Variants in RPRD2 observed in about 807,000 individuals in gnomAD.
RPRD2 encodes the protein regulation of nuclear pre-mRNA domain containing 2, also known as regulation of nuclear pre-mRNA domain-containing protein 2.
A neutral mutation model predicts 104.4 loss-of-function variants in RPRD2; 12 were observed. The observed-to-expected ratio is 0.11, with a 90% CI of 0.07 to 0.19. RPRD2 has a LOEUF of 0.19. Among genes scored for constraint, RPRD2 ranks in the 10% least tolerant of loss-of-function variants. The pLI, the probability that RPRD2 is intolerant of heterozygous loss-of-function variation, is 1.00. For missense variants in RPRD2, 1,543 were observed against 1,790.1 expected (o/e 0.86, Z 2.49); for synonymous variants, 714 against 684.9 (o/e 1.04, Z -0.66).
chr1:150,433,968 A>G (rs1553892604), intron 2 of RPRD2, among the ~76,000 whole-genome samples: 1 of 152,000 alleles, frequency 6.6e-6, no homozygotes, highest in South Asian at 2.1e-4. Context: ...TTTTTAACCA[A>G]GAAGAAGCAC....
chr1:150,464,850 CTTTT>C, intron 10 of RPRD2, 123 bp downstream of exon 10: 1 of 479,584 alleles, frequency 2.1e-6, no homozygotes, highest in Non-Finnish European at 3.3e-6. Flanking sequence ...ATTCATTATT[CTTTT>C]TATTTATTTA....
At chr1:150,457,167 T>G in intron 7 of RPRD2, 121 bp from the exon 8 acceptor site, 1 of 897,236 alleles carries the variant, frequency 1.1e-6, no homozygotes, top group Non-Finnish European at 1.7e-6. Flanking sequence ...GAGGTTGCAG[T>G]GAACCAAGAT....
chr1:150,385,607 A>G (rs1302033922), intron 1 of RPRD2, among the ~76,000 whole-genome samples: 1 of 152,254 alleles, frequency 6.6e-6, no homozygotes, highest in Admixed American at 6.5e-5. Flanking sequence ...ACAAATCATT[A>G]GCTCCTACTG....
chr1:150,404,534 G>C (rs1553886103), intron 1 of RPRD2, among the ~76,000 whole-genome samples: 1 of 152,070 alleles, frequency 6.6e-6, no homozygotes, highest in African/African-American at 2.4e-5. Flanking sequence ...ACAGGTGTGA[G>C]CCACCACACC....
In RPRD2 at chr1:150,472,323, G is replaced by A. The variant is rs766996352; in HGVS notation, c.3375G>A (p.Arg1125=). Reference sequence around the variant, plus strand: ...GAGGACATGGGCGTGAGGCTTCAAGGGTGGGTTGGTTTGATCTGAGCACAT... The same window carrying A: ...GAGGACATGGGCGTGAGGCTTCAAGAGTGGGTTGGTTTGATCTGAGCACAT... ...GNRGHGREAS[R]VGWFDLSTSG... The change falls in exon 11 of 11, where the codon AGG becomes AGA. Residue 1125 remains arginine, a synonymous_variant. Coordinates refer to ENST00000369068, the MANE Select transcript of RPRD2 (RefSeq NM_015203.5). 1.2e-6 allele frequency: 2 copies of A among 1,613,972 alleles called. No individual in the cohort carries two copies. The highest frequency in any genetic ancestry group is 3.3e-5 in the Admixed American group (2 of 60,004).
intron 1 of RPRD2, among the ~76,000 whole-genome samples, chr1:150,367,786 G>A (rs587634516): frequency 9.1e-4 from 138 of 151,338 alleles, no homozygotes; most frequent in Non-Finnish European, 1.0e-3. Flanking sequence ...GCAGTGGCGC[G>A]ATCTCAGCTC....
At chr1:150,459,941 T>G in intron 8 of RPRD2, 119 bp from the exon 9 acceptor site, 1 of 840,906 alleles carries the variant, frequency 1.2e-6, no homozygotes, top group East Asian at 2.6e-5. Flanking sequence ...TGAGTCGTTG[T>G]TTTCTCTAAA....
intron 1 of RPRD2, among the ~76,000 whole-genome samples, chr1:150,398,748 G>T (rs1395253457): frequency 6.6e-6 from 1 of 150,552 alleles, no homozygotes; most frequent in Non-Finnish European, 1.5e-5. Flanking sequence ...TCACCATGTC[G>T]GCCAGGCTGG....
chr1:150,428,175 C>T (rs1364075781), intron 2 of RPRD2, among the ~76,000 whole-genome samples: 4 of 151,942 alleles, frequency 2.6e-5, no homozygotes, highest in Admixed American at 2.6e-4. Context: ...GAATGAAAAT[C>T]TATCCTCGCC....
rs34187447 is a variant in RPRD2, at chr1:150,432,628, TA to T, written c.336-8283del. On this transcript the variant is annotated intron_variant, in intron 2 of 10. Transcript: ENST00000369068. ...ATATTTAATCACAATAAGAAAATGA[TA>T]AAAAAAAAAAAGCCAAAAAAAAAAA... Among the ~76,000 whole-genome samples the T allele has an allele frequency of 9.0e-3, 1,022 of 113,378 alleles. 9 individuals are homozygous for T. The highest frequency in any genetic ancestry group is 0.027 in the African/African-American group (752 of 27,512). The allele number at this position is 113,378 out of a possible 152,430, so 74.4% of individuals were successfully genotyped here. A position where few individuals can be genotyped will look rare whatever the true frequency, so the allele number is the denominator to read the frequency against.
chr1:150,450,450 A>T (rs7414015), intron 7 of RPRD2, among the ~76,000 whole-genome samples: 3 of 150,810 alleles, frequency 2.0e-5, no homozygotes, highest in Non-Finnish European at 4.4e-5. Context: ...ACTAAAAATT[A>T]AAAAAAATTA....
rs562476167 is a variant in RPRD2 at position 150,387,567 on chromosome 1, C to CTTTTTTTTTTTTTTTT, written c.205+22674_205+22689dup. On this transcript the variant is annotated intron_variant, in intron 1 of 10. Transcript: ENST00000369068. Reference sequence around the variant, plus strand: ...AAATCTTACAGAAGTTGCAACAGACCTTTTTTTTTTTTTTTTTTTTTTTTT... The same window carrying CTTTTTTTTTTTTTTTT: ...AAATCTTACAGAAGTTGCAACAGACCTTTTTTTTTTTTTTTTTTTTTTTTTTTTTTTTTTTTTTTTT... Among the ~76,000 whole-genome samples, 35 of 73,792 alleles carry CTTTTTTTTTTTTTTTT rather than the reference C, an allele frequency of 4.7e-4. 6 individuals are homozygous for CTTTTTTTTTTTTTTTT. The highest frequency in any genetic ancestry group is 6.9e-4 in the Non-Finnish European group (28 of 40,544). 48.4% of individuals were successfully genotyped at this position (73,792 alleles called of 152,430 possible).
chr1:150,436,477 T>C (rs1553893128), intron 2 of RPRD2, among the ~76,000 whole-genome samples: 1 of 151,792 alleles, frequency 6.6e-6, no homozygotes, highest in African/African-American at 2.4e-5. Context: ...GGCAGGCGTC[T>C]GTAGTCCCAG....
intron 1 of RPRD2, among the ~76,000 whole-genome samples, chr1:150,391,360 C>T (rs989939738): frequency 1.3e-5 from 2 of 152,024 alleles, no homozygotes; most frequent in African/African-American, 4.8e-5. Context: ...TCATGTGTTG[C>T]CCAGGCTTAT....
chr1:150,389,784 G>C (rs1188132980), intron 1 of RPRD2, among the ~76,000 whole-genome samples: 1 of 152,142 alleles, frequency 6.6e-6, no homozygotes, highest in Admixed American at 6.5e-5. Context: ...AAAAAAGTAA[G>C]GGAGGTTTCC....
chr1:150,380,318 G>A (rs1049906565), intron 1 of RPRD2, among the ~76,000 whole-genome samples: 16 of 152,064 alleles, frequency 1.1e-4, no homozygotes, highest in Non-Finnish European at 1.5e-4. Context: ...TCATCTCCTT[G>A]GAGGTTGACC....
chr1:150,396,894 C>A (rs1662572997), intron 1 of RPRD2, among the ~76,000 whole-genome samples: 2 of 151,978 alleles, frequency 1.3e-5, no homozygotes, highest in Admixed American at 1.3e-4. Flanking sequence ...TCAAACGAGA[C>A]ACACTATGCT....
intron 2 of RPRD2, among the ~76,000 whole-genome samples, chr1:150,438,580 G>T (rs1666183729): frequency 6.6e-6 from 1 of 151,876 alleles, no homozygotes; most frequent in African/African-American, 2.4e-5. Flanking sequence ...AGTGAGCCGA[G>T]ATCGCACCAT....
At position 150,473,087 on chromosome 1, in the gene RPRD2, G is replaced by T. The variant is rs2102451108; in HGVS notation, c.4139G>T (p.Gly1380Val). The stretch of plus-strand genomic sequence containing the variant: ...CCCTCCCATTCTCTGGAACACCTGG[G>T]CCCACCCCATGGAGGAGGAGGTGGG... The part of the protein sequence containing the change: ...TLPSHSLEHL[G>V]PPHGGGGGGG... Residue 1380 changes from glycine to valine, a missense_variant, in exon 11 of 11, where the codon GGC (glycine) becomes GTC (valine). This residue lies in a region of RPRD2 where 880 missense variants were observed against 885.6 expected (regional missense o/e 0.99). Transcript: ENST00000369068. 1 of 1,613,960 alleles carries T rather than the reference G, an allele frequency of 6.2e-7. No homozygotes were observed. The highest frequency in any genetic ancestry group is 8.5e-7 in the Non-Finnish European group (1 of 1,179,864).
Sources: allele counts gnomAD v4.1 joint callset (sites outside exome capture counted in the v4.1 genomes callset), GRCh38; gene constraint gnomAD v4.1.1; regional missense constraint gnomAD v4.1.1; transcripts MANE v1.5; gene names NCBI Gene and HGNC (gene_info 2026-07-23, HGNC 2026-07-21).